ZIK1: variants seen among roughly 807,000 people sequenced by gnomAD.
ZIK1 encodes the protein zinc finger protein interacting with ribonucleoprotein K.
Under a neutral mutation model 10.7 loss-of-function variants are expected in ZIK1, and 12 were observed. That is an observed-to-expected ratio of 1.12 (90% CI 0.72 to 1.81). ZIK1 has a LOEUF of 1.81. ZIK1 is among the 40% of genes most tolerant of loss of function. The pLI, the probability that ZIK1 is intolerant of heterozygous loss-of-function variation, is 0.00. For missense variants in ZIK1, 497 were observed against 585.7 expected (o/e 0.85, Z 1.56); for synonymous variants, 190 against 205.0 (o/e 0.93, Z 0.63).
At chr19:57,584,548 A>T in intron 1 of ZIK1, 159 bp downstream of exon 1, 1 of 1,416,988 alleles carries the variant, frequency 7.1e-7, no homozygotes, top group Non-Finnish European at 9.2e-7. Flanking sequence ...GGTTACAGGC[A>T]AAGGGACCAG....
chr19:57,584,953 T>C lies in ZIK1; in HGVS notation c.35T>C (p.Val12Ala). 6.2e-7 allele frequency: 1 copy of C among 1,613,944 alleles called. No individual in the cohort carries two copies. Among genetic ancestry groups the C allele is most frequent in the Non-Finnish European group, 8.5e-7 (1 of 1,179,926 alleles). Residue 12 changes from valine (V) to alanine (A), a missense_variant and splice_region_variant, in exon 2 of 4, where the codon GTT (valine) becomes GCT (alanine). Transcript: ENST00000597850. ...AAAALRAPTQVTVSPETHMDL... is the reference protein window; with the variant it reads ...AAAALRAPTQATVSPETHMDL... ...TTCATGATCTTTGGCTTTCCACAGG[T>C]TACTGTGTCTCCAGAAACACATATG...
rs774072588 is a variant in ZIK1, at chr19:57,590,653, A to G, written c.842A>G (p.His281Arg). 6.2e-6 allele frequency: 10 copies of G among 1,613,982 alleles called. No individual in the cohort carries two copies. The South Asian group carries it at 1.1e-4, about 18-fold the overall frequency. ...GGAAAATTCTTTAGCCAAACCTCCC[A>G]CCTGAATGATCATCGGAGAATCCAC... Reference protein sequence around the residue: ...ECGKFFSQTSHLNDHRRIHTG... With the variant: ...ECGKFFSQTSRLNDHRRIHTG... Residue 281 changes from histidine (H) to arginine (R), a missense_variant, in exon 4 of 4, where the codon CAC (histidine) becomes CGC (arginine). Transcript: ENST00000597850.
intron 2 of ZIK1, among the ~76,000 whole-genome samples, chr19:57,585,352 A>G (rs1979052965): frequency 6.6e-6 from 1 of 152,142 alleles, no homozygotes; most frequent in Admixed American, 6.5e-5. Flanking sequence ...GATGAGAACA[A>G]TGGGAGGTTT....
chr19:57,584,692 G>C, intron 1 of ZIK1: 1 of 1,327,522 alleles, frequency 7.5e-7, no homozygotes, highest in Non-Finnish European at 9.8e-7. Flanking sequence ...GTCTGAGTTA[G>C]GTCTTTCGAA....
intron 3 of ZIK1, chr19:57,589,331 CA>C: frequency 1.0e-6 from 1 of 985,416 alleles, no homozygotes; most frequent in Non-Finnish European, 1.2e-6. Context: ...TTTCCGATCA[CA>C]TAAGGAGCCT....
chr19:57,590,430 CAAA>C lies in ZIK1; in HGVS notation c.623_625del (p.Lys208del). The C allele has an allele frequency of 6.2e-7, 1 of 1,614,014 alleles. No individual in the cohort carries two copies. Among genetic ancestry groups the C allele is most frequent in the Non-Finnish European group, 8.5e-7 (1 of 1,179,996 alleles). ...TGAATGTGGGGAGGACATTCGCAGTCAAAAAAGTCATTACAAGTCAGGTGAATG... is the reference window on the plus strand; with the variant it reads ...TGAATGTGGGGAGGACATTCGCAGTCAAAGTCATTACAAGTCAGGTGAATG... On this transcript the variant is annotated inframe_deletion, in exon 4 of 4. Transcript: ENST00000597850.
intron 3 of ZIK1, chr19:57,589,410 A>T: frequency 1.0e-6 from 1 of 985,316 alleles, no homozygotes; most frequent in Non-Finnish European, 1.2e-6. Context: ...TTTTCTTCTC[A>T]GTACTTGACA....
At position 57,592,288 on chromosome 19, in the gene ZIK1, ATACCTGGG is replaced by A. The variant is rs1223763841; in HGVS notation, c.*1016_*1023del. On this transcript the variant is annotated 3_prime_UTR_variant, in exon 4 of 4. Coordinates refer to ENST00000597850, the MANE Select transcript of ZIK1 (RefSeq NM_001010879.4). ...CATGTGAACTGTAATTGGTACAGAA[ATACCTGGG>A]TATTTCTGTACTGTGTGTACTGTAG... 6.6e-6 allele frequency: 1 copy of A among 152,104 alleles called. No individual in the cohort carries two copies. Among genetic ancestry groups the A allele is most frequent in the South Asian group, 2.1e-4 (1 of 4,822 alleles). The allele number at this position is 152,104 out of a possible 1,614,324, so 9.4% of individuals were successfully genotyped here.
Position 57,588,575 on chromosome 19 carries a change from T to A in ZIK1, c.109T>A (p.Ser37Thr). 6.3e-7 allele frequency: 1 copy of A among 1,579,228 alleles called. No homozygotes were observed. The highest frequency in any genetic ancestry group is 2.3e-5 in the East Asian group (1 of 43,340). Residue 37 changes from serine to threonine, a missense_variant, in exon 3 of 4, where the codon TCA (serine) becomes ACA (threonine). By Grantham distance (58) the Ser-to-Thr change is moderately conservative. Coordinates refer to ENST00000597850, the MANE Select transcript of ZIK1 (RefSeq NM_001010879.4). ...CTTTGAGGACATCGCCATTTACTTCTCACAGGACGAGTGGGGACTTCTTGA... is the reference window on the plus strand; with the variant it reads ...CTTTGAGGACATCGCCATTTACTTCACACAGGACGAGTGGGGACTTCTTGA... ...VTFEDIAIYF[S>T]QDEWGLLDEA...
rs1177679414 is a variant in ZIK1, at chr19:57,593,538, A to G, written c.*2263A>G. The G allele has an allele frequency of 6.6e-6, 1 of 152,180 alleles. No individual in the cohort carries two copies. Among genetic ancestry groups the G allele is most frequent in the African/African-American group, 2.4e-5 (1 of 41,440 alleles). 9.4% of individuals were successfully genotyped at this position (152,180 alleles called of 1,614,324 possible). On this transcript the variant is annotated 3_prime_UTR_variant, in exon 4 of 4. Coordinates refer to ENST00000597850, the MANE Select transcript of ZIK1 (RefSeq NM_001010879.4). ...AGAAATGCTTTATTTCTCCTGTGTCAGTAGTACAGTGTACGTGAATGCGTC... is the reference window on the plus strand; with the variant it reads ...AGAAATGCTTTATTTCTCCTGTGTCGGTAGTACAGTGTACGTGAATGCGTC...
rs774571081 is a variant in ZIK1, at chr19:57,591,185, T to C, written c.1374T>C (p.Thr458=). The C allele has an allele frequency of 4.3e-6, 7 of 1,614,174 alleles. No individual in the cohort carries two copies. The highest frequency in any genetic ancestry group is 5.9e-6 in the Non-Finnish European group (7 of 1,180,026). ...SGLIQHQVVH[T]GERPYECNKC... ...TCATTCAACACCAAGTGGTTCACAC[T>C]GGAGAAAGGCCTTATGAGTGCAACA... is the stretch of plus-strand genomic sequence containing the variant. The change falls in exon 4 of 4, where the codon ACT becomes ACC. Residue 458 remains threonine (T), a synonymous_variant. Coordinates refer to ENST00000597850, the MANE Select transcript of ZIK1 (RefSeq NM_001010879.4).
rs985814974 is a variant in ZIK1, at chr19:57,592,799, T to G, written c.*1524T>G. 7.2e-5 allele frequency: 11 copies of G among 152,214 alleles called. No homozygotes were observed. Among genetic ancestry groups the G allele is most frequent in the Non-Finnish European group, 2.9e-5 (2 of 68,034 alleles). The allele number at this position is 152,214 out of a possible 1,614,324, so 9.4% of individuals were successfully genotyped here. ...AAACTTTCTTGATGTGTAAGTGACATGCCATAGTTTACATCCATTTATGGT... is the reference window on the plus strand; with the variant it reads ...AAACTTTCTTGATGTGTAAGTGACAGGCCATAGTTTACATCCATTTATGGT... On this transcript the variant is annotated 3_prime_UTR_variant, in exon 4 of 4. Coordinates refer to ENST00000597850, the MANE Select transcript of ZIK1 (RefSeq NM_001010879.4).
At chr19:57,586,355 G>A (rs1203235604) in intron 2 of ZIK1, among the ~76,000 whole-genome samples, 3 of 152,100 alleles carry the variant, frequency 2.0e-5, no homozygotes, top group Non-Finnish European at 4.4e-5. Context: ...TTGAGGTCAG[G>A]AGTTCTAGAC....
rs1050628430 is a variant in ZIK1 at position 57,593,652 on chromosome 19, T to G, written c.*2377T>G. Reference sequence around the variant, plus strand: ...TGAACCTTCTTATTTCTCTACATTCTTGCCATACTTGGTATGGTTAGTCTT... The same window carrying G: ...TGAACCTTCTTATTTCTCTACATTCGTGCCATACTTGGTATGGTTAGTCTT... On this transcript the variant is annotated 3_prime_UTR_variant, in exon 4 of 4. Coordinates refer to ENST00000597850, the MANE Select transcript of ZIK1 (RefSeq NM_001010879.4). 1.3e-5 allele frequency: 2 copies of G among 152,052 alleles called. No homozygotes were observed. The highest frequency in any genetic ancestry group is 2.9e-5 in the Non-Finnish European group (2 of 68,024). 9.4% of individuals were successfully genotyped at this position (152,052 alleles called of 1,614,324 possible).
chr19:57,586,573 CA>C (rs1287207042), intron 2 of ZIK1, among the ~76,000 whole-genome samples: 1 of 151,880 alleles, frequency 6.6e-6, no homozygotes, highest in East Asian at 1.9e-4. Flanking sequence ...AAAAACAAAA[CA>C]AAAAAACAGA....
chr19:57,590,277 A>G lies in ZIK1; in HGVS notation c.466A>G (p.Lys156Glu). 6.2e-7 allele frequency: 1 copy of G among 1,614,248 alleles called. No homozygotes were observed. Among genetic ancestry groups the G allele is most frequent in the Non-Finnish European group, 8.5e-7 (1 of 1,180,046 alleles). Residue 156 changes from lysine (K) to glutamate (E), a missense_variant, in exon 4 of 4, where the codon AAG becomes GAG. Transcript: ENST00000597850. Reference sequence around the variant, plus strand: ...GGACATGGACAGAGCCTCATATGTGAAGTGCTGCCTATTCTGTATGTCATT... The same window carrying G: ...GGACATGGACAGAGCCTCATATGTGGAGTGCTGCCTATTCTGTATGTCATT... ...KRDMDRASYV[K>E]CCLFCMSLKP...
At chr19:57,589,109 C>T (rs1298340941) in intron 3 of ZIK1, among the ~76,000 whole-genome samples, 1 of 152,218 alleles carries the variant, frequency 6.6e-6, no homozygotes, top group East Asian at 1.9e-4. Context: ...CTTTCTTGCC[C>T]ATGGGCTGTT....
chr19:57,588,810 C>A (rs746574111), intron 3 of ZIK1, 145 bp downstream of exon 3: 241 of 867,132 alleles, frequency 2.8e-4, no homozygotes, highest in Non-Finnish European at 3.4e-4. Context: ...GGTCTGGGAA[C>A]ACCTGCTGCC....
Position 57,590,408 on chromosome 19 carries a change from ATG to A in ZIK1, c.600_601del (p.Cys200TrpfsTer15). On this transcript the variant is annotated frameshift_variant, in exon 4 of 4. Transcript: ENST00000597850. LOFTEE classifies it low-confidence loss of function (END_TRUNC). ...GGKKPGTITE[C>X]GEDIRSQKSH... is the part of the protein sequence containing the mutation. ...GCAAGAAACCCGGCACAATTACTGA[ATG>A]TGGGGAGGACATTCGCAGTCAAAAA... is the stretch of plus-strand genomic sequence containing the variant. The A allele has an allele frequency of 6.2e-7, 1 of 1,614,178 alleles. No individual in the cohort carries two copies. Among genetic ancestry groups the A allele is most frequent in the Non-Finnish European group, 8.5e-7 (1 of 1,180,010 alleles).
Sources: gnomAD v4.1 joint callset for allele counts (sites outside exome capture counted in the v4.1 genomes callset) on GRCh38, gnomAD v4.1.1 for gene constraint, MANE v1.5 for transcripts, NCBI Gene and HGNC (gene_info 2026-07-23, HGNC 2026-07-21) for gene names.